The following PTPRD variants were observed in gnomAD, a reference collection of about 807,000 sequenced individuals.
The protein encoded by PTPRD is receptor-type tyrosine-protein phosphatase delta.
A neutral mutation model predicts 214.5 loss-of-function variants in PTPRD; 34 were observed. The observed-to-expected ratio is 0.16, with a 90% CI of 0.12 to 0.21. PTPRD has a LOEUF of 0.21. Among genes scored for constraint, PTPRD ranks in the 10% least tolerant of loss-of-function variants. The pLI is 1.00. For synonymous variants in PTPRD, 1,128 were observed against 845.7 expected, an observed-to-expected ratio of 1.33 and a Z score of -5.79; for missense variants, 2,545 against 2,398.7, an observed-to-expected ratio of 1.06 and a Z score of -1.27.
intron 8 of PTPRD, among the ~76,000 whole-genome samples, chr9:9,460,835 G>A (rs2093591281): frequency 1.3e-5 from 2 of 151,990 alleles, no homozygotes; most frequent in Non-Finnish European, 2.9e-5. Context: ...TCTACCCAAA[G>A]GAAAATAAAT....
chr9:10,126,944 G>A (rs993948308), intron 3 of PTPRD, among the ~76,000 whole-genome samples: 3 of 118,400 alleles, frequency 2.5e-5, no homozygotes, highest in Non-Finnish European at 5.2e-5. Flanking sequence ...GTCTCAAATG[G>A]ACTTTTTTTT....
intron 11 of PTPRD, among the ~76,000 whole-genome samples, chr9:8,816,028 G>C (rs1296557106): frequency 1.3e-5 from 2 of 152,110 alleles, no homozygotes; most frequent in Non-Finnish European, 2.9e-5. Flanking sequence ...TCAAATGTAA[G>C]CCTTAGGGTT....
chr9:8,733,246 C>T (rs2098679483), intron 12 of PTPRD, among the ~76,000 whole-genome samples: 1 of 152,068 alleles, frequency 6.6e-6, no homozygotes, highest in African/African-American at 2.4e-5. Context: ...CATCCAGCCA[C>T]AAAGTTGTCA....
intron 10 of PTPRD, among the ~76,000 whole-genome samples, chr9:9,135,915 A>T (rs2099850097): frequency 6.6e-6 from 1 of 152,072 alleles, no homozygotes; most frequent in African/African-American, 2.4e-5. Context: ...TCATTAGTTT[A>T]TGACAACCAT....
chr9:10,503,743 T>C (rs2044702546), intron 2 of PTPRD, among the ~76,000 whole-genome samples: 1 of 151,944 alleles, frequency 6.6e-6, no homozygotes, highest in Non-Finnish European at 1.5e-5. Context: ...GTGAGACAAT[T>C]ATACGTGCTA....
rs1250038142 is a variant in PTPRD, at chr9:9,127,743, T to C, written c.-143+55561A>G. 2.0e-5 allele frequency among the ~76,000 whole-genome samples: 3 copies of C among 152,050 alleles called. No homozygotes were observed. In the East Asian group the frequency reaches 5.8e-4, roughly 29 times the overall value. On this transcript the variant is annotated intron_variant, in intron 10 of 45. Transcript: ENST00000381196. ...ATACATGTATCAGTCTTTCATCGAA[T>C]GTCTGGAAGAGATTACCTCGGGAAA...
intron 9 of PTPRD, among the ~76,000 whole-genome samples, chr9:9,244,494 C>G (rs551375540): frequency 6.6e-6 from 1 of 152,270 alleles, no homozygotes; most frequent in African/African-American, 2.4e-5. Flanking sequence ...ACATCTACAA[C>G]TATCTGATCT....
At chr9:10,517,108 C>G (rs150487392) in intron 2 of PTPRD, among the ~76,000 whole-genome samples, 1 of 151,866 alleles carries the variant, frequency 6.6e-6, no homozygotes, top group South Asian at 2.1e-4. Context: ...TTAAGAAATG[C>G]CATTTGAATT....
At chr9:10,439,197 A>G (rs1387485476) in intron 2 of PTPRD, among the ~76,000 whole-genome samples, 2 of 151,460 alleles carry the variant, frequency 1.3e-5, no homozygotes, top group Non-Finnish European at 2.9e-5. Flanking sequence ...ACCTTCGTTC[A>G]GACTCCGGCA....
chr9:9,543,677 C>T (rs1378164896), intron 8 of PTPRD, among the ~76,000 whole-genome samples: 1 of 151,482 alleles, frequency 6.6e-6, no homozygotes, highest in Non-Finnish European at 1.5e-5. Flanking sequence ...AGGCCATCAA[C>T]CTTGATTGTT....
At chr9:9,111,331 T>A (rs1293801716) in intron 10 of PTPRD, among the ~76,000 whole-genome samples, 1 of 150,984 alleles carries the variant, frequency 6.6e-6, no homozygotes, top group Non-Finnish European at 1.5e-5. Context: ...CCTAGCTGAC[T>A]GTTCAATGAT....
chr9:8,948,467 ACATATATATATATT>A (rs1567182573), intron 11 of PTPRD, among the ~76,000 whole-genome samples: 225 of 5,698 alleles, frequency 0.039, 20 homozygotes, highest in Middle Eastern at 0.17. Flanking sequence ...ATATATATTT[ACATATATATATATT>A]TATATATATA....
chr9:9,463,063 G>A (rs2093809106), intron 8 of PTPRD, among the ~76,000 whole-genome samples: 1 of 150,802 alleles, frequency 6.6e-6, no homozygotes, highest in African/African-American at 2.5e-5. Flanking sequence ...AAGCCTTTGT[G>A]GCACCTAGTT....
chr9:8,784,249 G>T (rs1425614824), intron 11 of PTPRD, among the ~76,000 whole-genome samples: 3 of 152,176 alleles, frequency 2.0e-5, no homozygotes, highest in African/African-American at 2.4e-5. Context: ...ACATGACCTG[G>T]AAAGGTTATT....
At chr9:8,698,412 T>C (rs1422761538) in intron 12 of PTPRD, among the ~76,000 whole-genome samples, 5 of 152,320 alleles carry the variant, frequency 3.3e-5, no homozygotes, top group Non-Finnish European at 7.4e-5. Context: ...TGAGAAAGGA[T>C]TACTGTTAAC....
chr9:8,354,394 T>G (rs2076449761), intron 39 of PTPRD, among the ~76,000 whole-genome samples: 1 of 152,192 alleles, frequency 6.6e-6, no homozygotes, highest in African/African-American at 2.4e-5. Flanking sequence ...GGACGAAAAT[T>G]TCATGAAATA....
At chr9:9,932,169 C>T (rs1271065398) in intron 5 of PTPRD, among the ~76,000 whole-genome samples, 4 of 149,788 alleles carry the variant, frequency 2.7e-5, no homozygotes, top group Non-Finnish European at 5.9e-5. Context: ...ATGCAGAGTG[C>T]CTCTCCTCCT....
At chr9:10,249,024 T>C (rs1009486134) in intron 3 of PTPRD, among the ~76,000 whole-genome samples, 3 of 152,142 alleles carry the variant, frequency 2.0e-5, no homozygotes, top group Admixed American at 6.6e-5. Flanking sequence ...GGCCTACTGC[T>C]TCTCTGCTCC....
chr9:10,385,957 C>G (rs925072860), intron 2 of PTPRD, among the ~76,000 whole-genome samples: 1 of 151,780 alleles, frequency 6.6e-6, no homozygotes, highest in Non-Finnish European at 1.5e-5. Flanking sequence ...TTTATTAAAA[C>G]AGCATCTTTT....
Sources: gnomAD v4.1 joint callset for allele counts (sites outside exome capture counted in the v4.1 genomes callset) on GRCh38, gnomAD v4.1.1 for gene constraint, MANE v1.5 for transcripts, NCBI Gene and HGNC (gene_info 2026-07-23, HGNC 2026-07-21) for gene names.